PIGP: variants seen among roughly 807,000 people sequenced by gnomAD.
PIGP encodes phosphatidylinositol N-acetylglucosaminyltransferase subunit P.
A neutral mutation model predicts 16.9 loss-of-function variants in PIGP; 12 were observed. The observed-to-expected ratio is 0.71, with a 90% CI of 0.46 to 1.15. The LOEUF is 1.15. PIGP is among the 50% of genes most tolerant of loss of function. PIGP has a pLI of 0.00. For missense variants in PIGP, 159 were observed against 153.5 expected (o/e 1.04, Z -0.19); for synonymous variants, 57 against 54.7 (o/e 1.04, Z -0.18).
chr21:37,072,565 A>C (rs1272509278), intron 1 of PIGP, 28 bp from the exon 2 acceptor site: 1 of 1,614,220 alleles, frequency 6.2e-7, no homozygotes, highest in East Asian at 2.2e-5. Flanking sequence ...AATCAGCGTC[A>C]GCGATGTGCT....
chr21:37,070,804 C>T (rs1038288952), intron 2 of PIGP, among the ~76,000 whole-genome samples: 54 of 152,302 alleles, frequency 3.5e-4, no homozygotes, highest in African/African-American at 1.3e-3. Flanking sequence ...CGCTCGTTGC[C>T]CAGGCTGGAG....
At chr21:37,066,701 T>G (rs1358497449) in intron 4 of PIGP, among the ~76,000 whole-genome samples, 1 of 152,336 alleles carries the variant, frequency 6.6e-6, no homozygotes, top group South Asian at 2.1e-4. Context: ...AAGGTCTGCA[T>G]GTACTATTTA....
chr21:37,071,003 T>A (rs1282585118), intron 2 of PIGP, among the ~76,000 whole-genome samples: 1 of 152,210 alleles, frequency 6.6e-6, no homozygotes, highest in Non-Finnish European at 1.5e-5. Flanking sequence ...TCAGATGATC[T>A]GCCTGCCTCG....
chr21:37,067,461 GT>G (rs1569297157), intron 3 of PIGP, 81 bp from the exon 4 acceptor site: 1 of 775,164 alleles, frequency 1.3e-6, no homozygotes, highest in Non-Finnish European at 2.2e-6. Context: ...AAGCCAACAT[GT>G]TTTTTAAATT....
intron 1 of PIGP, 184 bp from the exon 2 acceptor site, chr21:37,072,721 A>C: frequency 1.1e-6 from 1 of 897,888 alleles, no homozygotes; most frequent in Non-Finnish European, 1.7e-6. Flanking sequence ...GCGCCCCGCA[A>C]CAGAAGGGGT....
At chr21:37,065,868 T>G (rs1219779823) in intron 4 of PIGP, among the ~76,000 whole-genome samples, 156 bp from the exon 5 acceptor site, 1 of 152,122 alleles carries the variant, frequency 6.6e-6, no homozygotes, top group African/African-American at 2.4e-5. Flanking sequence ...AATCCTCTCT[T>G]TAGAAGAAAT....
intron 4 of PIGP, among the ~76,000 whole-genome samples, chr21:37,066,875 G>A (rs1321268348): frequency 6.6e-6 from 1 of 151,944 alleles, no homozygotes; most frequent in Non-Finnish European, 1.5e-5. Flanking sequence ...CATGAATATA[G>A]CTAGTGTGTA....
intron 2 of PIGP, among the ~76,000 whole-genome samples, chr21:37,070,225 T>A (rs987760213): frequency 6.6e-6 from 1 of 152,222 alleles, no homozygotes; most frequent in Non-Finnish European, 1.5e-5. Context: ...AAGTATGCAA[T>A]TTTAAATGAT....
intron 3 of PIGP, 192 bp downstream of exon 3, chr21:37,069,360 C>A: frequency 1.2e-5 from 4 of 331,650 alleles, no homozygotes; most frequent in Admixed American, 4.7e-5. Context: ...TGGAGATAAA[C>A]ATGTGTGTTC....
chr21:37,072,562 G>T (rs567491390), intron 1 of PIGP, 25 bp from the exon 2 acceptor site: 1 of 1,614,184 alleles, frequency 6.2e-7, no homozygotes, highest in Non-Finnish European at 8.5e-7. Context: ...CACAATCAGC[G>T]TCAGCGATGT....
At chr21:37,072,210 C>A in intron 2 of PIGP, 1 of 1,604,566 alleles carries the variant, frequency 6.2e-7, no homozygotes, top group South Asian at 1.1e-5. Flanking sequence ...TCCACTTTGC[C>A]ATCGCGTCTG....
chr21:37,067,006 G>A (rs150077945), intron 4 of PIGP, among the ~76,000 whole-genome samples: 1 of 106,450 alleles, frequency 9.4e-6, no homozygotes, highest in Admixed American at 9.4e-5. Flanking sequence ...GTGTGTGTGT[G>A]TGTGTGTGTT....
rs1256061463 is a variant in PIGP at position 37,065,476 on chromosome 21, C to T, written c.*106G>A. ...AGAGAAGGTCAACTTACATTTTTTA[C>T]TTCTCTATTAATAAGAGAGATGGTC... On this transcript the variant is annotated 3_prime_UTR_variant, in exon 5 of 5. Transcript: ENST00000360525. The T allele has an allele frequency of 2.7e-6, 3 of 1,104,348 alleles. No homozygotes were observed. The highest frequency in any genetic ancestry group is 3.2e-5 in the African/African-American group (2 of 61,806). The allele number at this position is 1,104,348 out of a possible 1,614,324, so 68.4% of individuals were successfully genotyped here. A position where few individuals can be genotyped will look rare whatever the true frequency, so the allele number is the denominator to read the frequency against.
intron 1 of PIGP, 82 bp downstream of exon 1, chr21:37,072,918 T>A: frequency 3.7e-6 from 1 of 272,114 alleles, no homozygotes; most frequent in Non-Finnish European, 6.9e-6. Context: ...CTTCTATTTC[T>A]CATTCGAGGC....
chr21:37,072,627 C>A, intron 1 of PIGP, 90 bp from the exon 2 acceptor site: 1 of 1,599,298 alleles, frequency 6.3e-7, no homozygotes, highest in Non-Finnish European at 8.5e-7. Context: ...CGGGTACGGC[C>A]CCCGCCGCGC....
intron 3 of PIGP, 147 bp downstream of exon 3, chr21:37,069,405 C>T (rs1247232642): frequency 1.9e-5 from 9 of 482,718 alleles, no homozygotes; most frequent in African/African-American, 5.9e-5. Flanking sequence ...GTATCAATAG[C>T]GATCTTTAAA....
intron 3 of PIGP, among the ~76,000 whole-genome samples, chr21:37,069,088 C>T (rs1274197190): frequency 6.6e-6 from 1 of 152,134 alleles, no homozygotes; most frequent in Non-Finnish European, 1.5e-5. Flanking sequence ...TTCAGTTCAA[C>T]CCAGAATTAA....
At chr21:37,071,185 C>T (rs2069999662) in intron 2 of PIGP, among the ~76,000 whole-genome samples, 1 of 152,226 alleles carries the variant, frequency 6.6e-6, no homozygotes, top group African/African-American at 2.4e-5. Flanking sequence ...TATTAAGTCC[C>T]TAACTGTTCC....
chr21:37,068,666 T>C (rs945288382), intron 3 of PIGP, among the ~76,000 whole-genome samples: 2 of 152,178 alleles, frequency 1.3e-5, no homozygotes, highest in Non-Finnish European at 2.9e-5. Flanking sequence ...TGGGCAGGGA[T>C]GGTCAACTGG....
Sources: allele counts gnomAD v4.1 joint callset (sites outside exome capture counted in the v4.1 genomes callset), GRCh38; gene constraint gnomAD v4.1.1; transcripts MANE v1.5; gene names NCBI Gene and HGNC (gene_info 2026-07-23, HGNC 2026-07-21).